The following COMMD1 variants were observed in gnomAD, a reference collection of about 807,000 sequenced individuals.
COMMD1 encodes COMM domain-containing protein 1.
Under a neutral mutation model 17.2 loss-of-function variants are expected in COMMD1, and 10 were observed. The observed-to-expected ratio is 0.58, with a 90% CI of 0.36 to 0.99. The LOEUF (loss-of-function observed/expected upper bound fraction) is 0.99. Ranked by LOEUF, COMMD1 falls within the 50% of genes least tolerant of loss-of-function variation. COMMD1 has a pLI of 0.01. For missense variants in COMMD1, 270 were observed against 231.8 expected (o/e 1.17, Z -1.07); for synonymous variants, 97 against 91.6 (o/e 1.06, Z -0.34).
intron 2 of COMMD1, among the ~76,000 whole-genome samples, chr2:62,008,345 TACACACACACAGACAGACACACAC>T (rs1409228468): frequency 6.6e-5 from 10 of 150,666 alleles, no homozygotes; most frequent in Non-Finnish European, 1.3e-4. Context: ...CAATCTTTCA[TACACACACACAGACAGACACACAC>T]ACACACACAC....
At chr2:61,908,293 C>T (rs538972283) in intron 1 of COMMD1, among the ~76,000 whole-genome samples, 1 of 148,792 alleles carries the variant, frequency 6.7e-6, no homozygotes, top group South Asian at 2.1e-4. Context: ...GTGGCGCCAT[C>T]TCGGCTCACT....
At chr2:62,016,986 A>G (rs978947751) in intron 2 of COMMD1, among the ~76,000 whole-genome samples, 2 of 152,212 alleles carry the variant, frequency 1.3e-5, no homozygotes, top group Non-Finnish European at 2.9e-5. Flanking sequence ...CTTGAAGCTG[A>G]TAAGTTGTAA....
chr2:62,094,953 T>A (rs145264121), intron 2 of COMMD1, among the ~76,000 whole-genome samples: 75 of 152,318 alleles, frequency 4.9e-4, no homozygotes, highest in African/African-American at 1.8e-3. Flanking sequence ...TAGGTTCAGC[T>A]CATAGTCTTT....
At chr2:62,049,003 T>C (rs1670463333) in intron 2 of COMMD1, among the ~76,000 whole-genome samples, 1 of 152,196 alleles carries the variant, frequency 6.6e-6, no homozygotes, top group Non-Finnish European at 1.5e-5. Flanking sequence ...TTAGATGTTA[T>C]TGAACTAGTA....
At chr2:62,006,923 A>T (rs2103820255) in intron 2 of COMMD1, among the ~76,000 whole-genome samples, 1 of 152,150 alleles carries the variant, frequency 6.6e-6, no homozygotes, top group African/African-American at 2.4e-5. Context: ...TTTAGGCTTG[A>T]ATTTGGGTAT....
chr2:62,063,211 G>A (rs892785242), intron 2 of COMMD1, among the ~76,000 whole-genome samples: 10 of 152,054 alleles, frequency 6.6e-5, no homozygotes, highest in Admixed American at 1.3e-4. Context: ...GCAGGACTCC[G>A]TCTCAAAAAT....
chr2:61,913,410 G>A (rs1232562416), intron 1 of COMMD1, among the ~76,000 whole-genome samples: 1 of 150,668 alleles, frequency 6.6e-6, no homozygotes, highest in African/African-American at 2.4e-5. Flanking sequence ...GGGCATGGTG[G>A]CTCATGCCTG....
At chr2:62,126,238 G>T (rs765130981) in intron 2 of COMMD1, among the ~76,000 whole-genome samples, 1 of 152,138 alleles carries the variant, frequency 6.6e-6, no homozygotes, top group Non-Finnish European at 1.5e-5. Flanking sequence ...ACATATATGT[G>T]CATGTATCTT....
intron 2 of COMMD1, among the ~76,000 whole-genome samples, chr2:62,113,439 C>T (rs532942409): frequency 3.0e-4 from 45 of 152,204 alleles, no homozygotes; most frequent in African/African-American, 7.0e-4. Context: ...GACAGAGTCT[C>T]GCTCTGTCAC....
intron 2 of COMMD1, among the ~76,000 whole-genome samples, chr2:62,001,421 G>C (rs770855725): frequency 6.6e-6 from 1 of 152,138 alleles, no homozygotes; most frequent in Non-Finnish European, 1.5e-5. Flanking sequence ...TACATTGTTC[G>C]TAAAGACCCC....
intron 2 of COMMD1, among the ~76,000 whole-genome samples, chr2:62,023,004 A>G (rs907980346): frequency 3.3e-5 from 5 of 152,216 alleles, no homozygotes; most frequent in South Asian, 2.1e-4. Context: ...AGGTGGGCAG[A>G]TCACCTGAGG....
intron 2 of COMMD1, among the ~76,000 whole-genome samples, chr2:62,016,072 A>T (rs983401078): frequency 6.6e-6 from 1 of 152,270 alleles, no homozygotes; most frequent in East Asian, 1.9e-4. Flanking sequence ...ACCTCAGGCA[A>T]TCTACCTGCC....
At chr2:61,900,806 G>T (rs1248523773), upstream of COMMD1, among the ~76,000 whole-genome samples, 3 of 152,090 alleles carry the variant, frequency 2.0e-5, no homozygotes, top group Non-Finnish European at 2.9e-5. Context: ...GATATTGTAG[G>T]CTACATTTGG....
chr2:61,899,417 G>A (rs1438331676), intron 1 of COMMD1, among the ~76,000 whole-genome samples: 1 of 152,058 alleles, frequency 6.6e-6, no homozygotes, highest in Non-Finnish European at 1.5e-5. Context: ...TAATATAAAA[G>A]CATTTAAGTG....
At chr2:62,103,077 C>G (rs1672230042) in intron 2 of COMMD1, among the ~76,000 whole-genome samples, 1 of 151,318 alleles carries the variant, frequency 6.6e-6, no homozygotes. Flanking sequence ...CTCCTGGGTT[C>G]AGGCCATTCT....
At chr2:61,969,432 T>A (rs1671590331) in intron 1 of COMMD1, among the ~76,000 whole-genome samples, 1 of 152,332 alleles carries the variant, frequency 6.6e-6, no homozygotes, top group Admixed American at 6.5e-5. Flanking sequence ...CTCAAGGTCT[T>A]AATTTAATTG....
intron 1 of COMMD1, among the ~76,000 whole-genome samples, chr2:61,963,239 A>G (rs1186239620): frequency 1.3e-5 from 2 of 151,634 alleles, no homozygotes; most frequent in Non-Finnish European, 2.9e-5. Context: ...ATATATACAC[A>G]CACACACACA....
chr2:62,115,695 A>C (rs1204355616), intron 2 of COMMD1, among the ~76,000 whole-genome samples: 1 of 152,186 alleles, frequency 6.6e-6, no homozygotes, highest in Admixed American at 6.5e-5. Context: ...ATAAAGGGGT[A>C]TGACATCCTG....
intron 2 of COMMD1, among the ~76,000 whole-genome samples, chr2:62,021,862 A>G (rs903967735): frequency 6.6e-6 from 1 of 152,194 alleles, no homozygotes; most frequent in Non-Finnish European, 1.5e-5. Context: ...ACAGTGTTTT[A>G]ATCACTGTGT....
Sources: gnomAD v4.1 joint callset for allele counts (sites outside exome capture counted in the v4.1 genomes callset) on GRCh38, gnomAD v4.1.1 for gene constraint, MANE v1.5 for transcripts, NCBI Gene and HGNC (gene_info 2026-07-23, HGNC 2026-07-21) for gene names.